ANKRD11: variants seen among roughly 807,000 people sequenced by gnomAD.
ANKRD11 encodes ankyrin repeat domain-containing protein 11.
In ANKRD11, 17 loss-of-function variants were observed where a neutral mutation model predicts 195.7. That is an observed-to-expected ratio of 0.09 (90% CI 0.06 to 0.13). ANKRD11 has a LOEUF of 0.13. Ranked by LOEUF, ANKRD11 falls within the 10% of genes least tolerant of loss-of-function variation. The pLI is 1.00. For missense variants in ANKRD11, 3,735 were observed against 3,566.1 expected (o/e 1.05, Z -1.21); for synonymous variants, 1,953 against 1,528.1 (o/e 1.28, Z -6.49).
intron 2 of ANKRD11, among the ~76,000 whole-genome samples, chr16:89,384,328 C>T (rs1462389551): frequency 1.3e-5 from 2 of 152,140 alleles, no homozygotes; most frequent in East Asian, 1.9e-4. Flanking sequence ...GTCAGGAGTT[C>T]GAGACCAGCC....
intron 1 of ANKRD11, among the ~76,000 whole-genome samples, chr16:89,461,625 G>C (rs1168834629): frequency 6.6e-6 from 1 of 152,088 alleles, no homozygotes; most frequent in Non-Finnish European, 1.5e-5. Flanking sequence ...ACAGGCGTGA[G>C]CCACCACACC....
chr16:89,342,967 G>A (rs552712631), intron 2 of ANKRD11, among the ~76,000 whole-genome samples: 1 of 152,296 alleles, frequency 6.6e-6, no homozygotes, highest in East Asian at 1.9e-4. Context: ...CCGAATTTGG[G>A]ATGCACAAAC....
Position 89,288,537 on chromosome 16 carries a change from C to A in ANKRD11, c.735G>T (p.Gly245=). 6.2e-7 allele frequency: 1 copy of A among 1,614,170 alleles called. No homozygotes were observed. The highest frequency in any genetic ancestry group is 1.1e-5 in the South Asian group (1 of 91,078). ...ACGGGGGGATGCCAACCTTGTAGTG[C>A]CCGTTGTTGGCAGCGTCGTGCAAAG... ...DTPLHDAANN[G]HYKVVKLLLR... Residue 245 remains glycine, a synonymous_variant, in exon 7 of 13, where the codon GGG becomes GGT. Coordinates refer to ENST00000301030, the MANE Select transcript of ANKRD11 (RefSeq NM_013275.6).
At chr16:89,343,268 C>T (rs892482155) in intron 2 of ANKRD11, among the ~76,000 whole-genome samples, 5 of 152,338 alleles carry the variant, frequency 3.3e-5, no homozygotes, top group African/African-American at 1.2e-4. Flanking sequence ...GCTGGGATTA[C>T]AGGTGTGAGC....
At chr16:89,411,580 ATT>A (rs1170586091) in intron 2 of ANKRD11, among the ~76,000 whole-genome samples, 2 of 151,992 alleles carry the variant, frequency 1.3e-5, no homozygotes, top group Non-Finnish European at 2.9e-5. Context: ...CGCCTGGCTA[ATT>A]TTTGTATTTT....
rs1372883435 is a variant in ANKRD11 at position 89,285,985 on chromosome 16, A to T, written c.892+54T>A. The T allele has an allele frequency of 6.2e-7, 1 of 1,612,890 alleles. No individual in the cohort carries two copies. ...CAACACTGTGCAAACACCACAGGGC[A>T]GCTCCTACCATCCCTGCATAAAAGA... is the stretch of plus-strand genomic sequence containing the variant. On this transcript the variant is annotated intron_variant, in intron 8 of 12. Coordinates refer to ENST00000301030, the MANE Select transcript of ANKRD11 (RefSeq NM_013275.6). This position sits in a 1 kb window ranked among gnomAD's most constrained non-coding sequence, Gnocchi z 5.6.
chr16:89,308,799 G>A (rs184795098), intron 3 of ANKRD11, among the ~76,000 whole-genome samples: 268 of 152,332 alleles, frequency 1.8e-3, no homozygotes, highest in Middle Eastern at 6.8e-3. Flanking sequence ...GGTGCGCGCC[G>A]TGAGAAACGG....
chr16:89,446,532 A>G (rs1382843100), intron 1 of ANKRD11, among the ~76,000 whole-genome samples: 1 of 152,146 alleles, frequency 6.6e-6, no homozygotes, highest in African/African-American at 2.4e-5. Flanking sequence ...TAAGCTCAAC[A>G]GGCAGAGGTG....
chr16:89,357,035 C>T (rs1390440203), intron 2 of ANKRD11, among the ~76,000 whole-genome samples: 2 of 152,184 alleles, frequency 1.3e-5, no homozygotes, highest in African/African-American at 4.8e-5. Context: ...AACAGCCAGG[C>T]TTGACATCTT....
rs749265998 is a variant in ANKRD11, at chr16:89,285,483, G to A, written c.1059C>T (p.Asp353=). The A allele has an allele frequency of 4.0e-5, 65 of 1,614,156 alleles. 1 individual carries two copies. Among genetic ancestry groups the A allele is most frequent in the South Asian group, 4.0e-4 (36 of 91,082 alleles). ...VKDEYEFDED[D]EQDRVPPVDD... ...CCACCGGAGGAACCCTGTCCTGCTC[G>A]TCGTCCTCATCAAACTCATACTCGT... is the stretch of plus-strand genomic sequence containing the variant. Residue 353 remains aspartate (D), a synonymous_variant, in exon 9 of 13, where the codon GAC becomes GAT. Transcript: ENST00000301030. The surrounding 1 kb of genome is among the most constrained non-coding windows in gnomAD (Gnocchi z 5.6).
At chr16:89,395,170 G>C (rs527922219) in intron 2 of ANKRD11, among the ~76,000 whole-genome samples, 143 of 152,322 alleles carry the variant, frequency 9.4e-4, no homozygotes, top group African/African-American at 3.2e-3. Flanking sequence ...AGAGACTCCT[G>C]GTCTAAAAAG....
At chr16:89,293,523 G>A (rs1387706991) in intron 4 of ANKRD11, among the ~76,000 whole-genome samples, 3 of 150,086 alleles carry the variant, frequency 2.0e-5, no homozygotes, top group South Asian at 2.1e-4. Flanking sequence ...GCGAGGAGGC[G>A]GGGTGGTGTT....
In ANKRD11 at chr16:89,274,055, G is replaced by C. The variant is rs75900839; in HGVS notation, c.7713+759C>G. 8.0e-3 allele frequency among the ~76,000 whole-genome samples: 1,218 copies of C among 152,318 alleles called. 16 individuals are homozygous for C. The highest frequency in any genetic ancestry group is 0.027 in the African/African-American group (1,138 of 41,566). The stretch of plus-strand genomic sequence containing the variant: ...GAGGGGCTGATGCAGGCGAGGCAAC[G>C]GGAGAGCCAGGGGTCCCACATGGAC... On this transcript the variant is annotated intron_variant, in intron 11 of 12. Transcript: ENST00000301030.
chr16:89,440,882 T>C (rs2043423595), intron 1 of ANKRD11, among the ~76,000 whole-genome samples: 1 of 152,188 alleles, frequency 6.6e-6, no homozygotes, highest in Non-Finnish European at 1.5e-5. Context: ...TGAATCCTGG[T>C]GTGGCTGGTG....
At chr16:89,443,041 G>A (rs1446887833) in intron 1 of ANKRD11, among the ~76,000 whole-genome samples, 3 of 152,134 alleles carry the variant, frequency 2.0e-5, no homozygotes, top group South Asian at 2.1e-4. Context: ...CATCCAGACT[G>A]GAGTGCAATG....
chr16:89,487,566 G>A (rs1372128952), intron 1 of ANKRD11, among the ~76,000 whole-genome samples: 1 of 152,112 alleles, frequency 6.6e-6, no homozygotes, highest in Non-Finnish European at 1.5e-5. Context: ...ACAAGGTTAG[G>A]AGTTCAAGAC....
At chr16:89,361,157 G>T (rs574897762) in intron 2 of ANKRD11, among the ~76,000 whole-genome samples, 2 of 152,280 alleles carry the variant, frequency 1.3e-5, no homozygotes, top group African/African-American at 4.8e-5. Flanking sequence ...CTTCCTGTAA[G>T]CCTGAAACCC....
chr16:89,418,944 C>A (rs1337398464), intron 1 of ANKRD11, among the ~76,000 whole-genome samples: 2 of 151,858 alleles, frequency 1.3e-5, no homozygotes, highest in Admixed American at 6.6e-5. Context: ...CTGATCTGGA[C>A]CTCCTGACCT....
chr16:89,384,187 T>C (rs2040789455), intron 2 of ANKRD11, among the ~76,000 whole-genome samples: 1 of 152,148 alleles, frequency 6.6e-6, no homozygotes, highest in Non-Finnish European at 1.5e-5. Context: ...GCTCCTGCAC[T>C]CCAGCCTGGG....
Sources: allele counts gnomAD v4.1 joint callset (sites outside exome capture counted in the v4.1 genomes callset), GRCh38; gene constraint gnomAD v4.1.1; non-coding constraint Gnocchi (gnomAD v3.1); transcripts MANE v1.5; gene names NCBI Gene and HGNC (gene_info 2026-07-23, HGNC 2026-07-21).